THOP1: variants seen among roughly 807,000 people sequenced by gnomAD.
THOP1 encodes thimet oligopeptidase 1, also known as thimet oligopeptidase.
THOP1 carries 49 observed loss-of-function variants against 71.8 expected under a neutral mutation model. The ratio of observed to expected loss-of-function variants is 0.68; its 90% CI spans 0.54 to 0.87. THOP1 has a LOEUF of 0.87. Among genes scored for constraint, THOP1 ranks in the 40% least tolerant of loss-of-function variants. The pLI is 0.00. For missense variants in THOP1, 843 were observed against 975.6 expected (o/e 0.86, Z 1.81); for synonymous variants, 426 against 421.5 (o/e 1.01, Z -0.13).
At chr19:2,806,711 C>T in intron 6 of THOP1, 1 of 779,760 alleles carries the variant, frequency 1.3e-6, no homozygotes, top group Non-Finnish European at 2.0e-6. Flanking sequence ...TCATCTGCAC[C>T]CCTTCTGGTT....
chr19:2,793,447 A>G (rs768770868), intron 2 of THOP1, among the ~76,000 whole-genome samples: 1 of 151,746 alleles, frequency 6.6e-6, no homozygotes, highest in Non-Finnish European at 1.5e-5. Flanking sequence ...ATCCCTGCAC[A>G]TTGGGAGGCC....
At chr19:2,795,200 TC>T (rs1357612401) in intron 3 of THOP1, among the ~76,000 whole-genome samples, 7 of 152,230 alleles carry the variant, frequency 4.6e-5, no homozygotes, top group Non-Finnish European at 8.8e-5. Flanking sequence ...CCTCAGGTGA[TC>T]CGCCCGCCTT....
At chr19:2,797,239 G>C (rs1303721598) in intron 4 of THOP1, among the ~76,000 whole-genome samples, 5 of 152,194 alleles carry the variant, frequency 3.3e-5, no homozygotes, top group Admixed American at 3.3e-4. Context: ...ATGGGGGCCG[G>C]TGGATGGTGC....
intron 4 of THOP1, 63 bp downstream of exon 4, chr19:2,796,251 A>C (rs1178182599): frequency 3.0e-6 from 4 of 1,322,174 alleles, no homozygotes; most frequent in Non-Finnish European, 4.2e-6. Context: ...AGTGCTGGGC[A>C]CAGGGAGTGC....
chr19:2,785,554 G>A lies in THOP1; in HGVS notation c.-109G>A. 2.3e-6 allele frequency: 3 copies of A among 1,317,596 alleles called. No individual in the cohort carries two copies. The highest frequency in any genetic ancestry group is 3.0e-6 in the Non-Finnish European group (3 of 999,310). The allele number at this position is 1,317,596 out of a possible 1,614,324, so 81.6% of individuals were successfully genotyped here. The stretch of plus-strand genomic sequence containing the variant: ...GGCCCCTTGGTCCTCAGGCGGCCGT[G>A]GCGGCGGTGGCGGCGGTTGGGCCGA... On this transcript the variant is annotated 5_prime_UTR_variant, in exon 1 of 13. Coordinates refer to ENST00000307741, the MANE Select transcript of THOP1 (RefSeq NM_003249.5).
chr19:2,786,984 T>TCGTG (rs1915760044), intron 1 of THOP1: 2 of 151,318 alleles, frequency 1.3e-5, no homozygotes, highest in African/African-American at 4.9e-5. Context: ...CTCCATCTCC[T>TCGTG]GACCTCGTGA....
In THOP1 at chr19:2,804,706, T is replaced by G; in HGVS notation, c.590-310T>G. On this transcript the variant is annotated intron_variant, in intron 5 of 12. Transcript: ENST00000307741. The surrounding 1 kb of genome is among the most constrained non-coding windows in gnomAD (Gnocchi z 4.7). ...ACGATGTCCGGGGGTTGGGCTGGAT[T>G]TAGCTTTAACCTCTCTGGGGCAGGA... The G allele has an allele frequency of 3.7e-6, 1 of 266,868 alleles. No individual in the cohort carries two copies. The highest frequency in any genetic ancestry group is 7.8e-5 in the East Asian group (1 of 12,880). The allele number at this position is 266,868 out of a possible 1,614,324, so 16.5% of individuals were successfully genotyped here.
intron 3 of THOP1, 103 bp downstream of exon 3, chr19:2,795,015 G>C: frequency 7.3e-7 from 1 of 1,373,262 alleles, no homozygotes; most frequent in Non-Finnish European, 9.9e-7. Flanking sequence ...GTAGAGACGG[G>C]GTTTCAACGT....
chr19:2,795,974 C>T, intron 3 of THOP1, 107 bp from the exon 4 acceptor site: 2 of 790,492 alleles, frequency 2.5e-6, no homozygotes, highest in Non-Finnish European at 4.2e-6. Context: ...GTGCAGTTGC[C>T]AAGTCACACG....
At chr19:2,794,694 T>G (rs1599521580) in intron 2 of THOP1, 70 bp from the exon 3 acceptor site, 1 of 1,540,146 alleles carries the variant, frequency 6.5e-7, no homozygotes, top group Non-Finnish European at 8.8e-7. Flanking sequence ...GGGAGAGGGG[T>G]CCGGGCAACA....
At chr19:2,791,921 C>T (rs746977854) in intron 2 of THOP1, among the ~76,000 whole-genome samples, 1 of 152,244 alleles carries the variant, frequency 6.6e-6, no homozygotes, top group Non-Finnish European at 1.5e-5. Flanking sequence ...CACCCAGTCT[C>T]CTCGTGCCTG....
At chr19:2,810,956 G>A (rs952923971) in intron 11 of THOP1, among the ~76,000 whole-genome samples, 188 bp downstream of exon 11, 17 of 152,226 alleles carry the variant, frequency 1.1e-4, no homozygotes, top group Admixed American at 2.6e-4. Flanking sequence ...CCCAGGGTCG[G>A]GGACGGGTGT....
Position 2,799,739 on chromosome 19 carries a change from C to G in THOP1, c.537C>G (p.Asn179Lys). The G allele has an allele frequency of 6.2e-7, 1 of 1,613,748 alleles. No homozygotes were observed. Residue 179 changes from asparagine to lysine, a missense_variant, in exon 5 of 13, where the codon AAC becomes AAG. Coordinates refer to ENST00000307741, the MANE Select transcript of THOP1 (RefSeq NM_003249.5). ...KKLSLLCIDF[N>K]KNLNEDTTFL... ...TGAGCCTTCTGTGCATCGACTTCAA[C>G]AAGAACCTGAACGAGGACACGACCT...
chr19:2,810,529 G>A (rs965805018), intron 10 of THOP1, 39 bp downstream of exon 10: 1 of 1,532,512 alleles, frequency 6.5e-7, no homozygotes, highest in Non-Finnish European at 8.8e-7. Flanking sequence ...CTAACCTCGG[G>A]GGGCGGCACA....
chr19:2,799,958 C>T (rs565757775), intron 5 of THOP1, among the ~76,000 whole-genome samples, 167 bp downstream of exon 5: 10 of 152,330 alleles, frequency 6.6e-5, no homozygotes, highest in African/African-American at 1.4e-4. Flanking sequence ...CTTTCCTCAC[C>T]GGAAGCGCTC....
intron 4 of THOP1, among the ~76,000 whole-genome samples, chr19:2,798,574 G>T (rs915292199): frequency 3.3e-5 from 5 of 152,252 alleles, no homozygotes; most frequent in African/African-American, 1.2e-4. Context: ...TCCCTGGCAT[G>T]GCTGGGTTTG....
intron 2 of THOP1, among the ~76,000 whole-genome samples, chr19:2,792,968 G>A (rs1365826982): frequency 6.6e-6 from 1 of 152,152 alleles, no homozygotes; most frequent in Non-Finnish European, 1.5e-5. Context: ...TTGAGGTCAG[G>A]AGTTCGAGAC....
At chr19:2,795,652 G>A (rs1208519946) in intron 3 of THOP1, among the ~76,000 whole-genome samples, 5 of 152,174 alleles carry the variant, frequency 3.3e-5, no homozygotes, top group African/African-American at 7.2e-5. Flanking sequence ...CTGGGCCCAC[G>A]CAATCCTCCC....
chr19:2,797,629 G>C (rs138067337), intron 4 of THOP1, among the ~76,000 whole-genome samples: 1 of 152,236 alleles, frequency 6.6e-6, no homozygotes, highest in African/African-American at 2.4e-5. Flanking sequence ...TCCTGAGCAC[G>C]CTTAAGACAG....
Sources: gnomAD v4.1 joint callset for allele counts (sites outside exome capture counted in the v4.1 genomes callset) on GRCh38, gnomAD v4.1.1 for gene constraint, Gnocchi (gnomAD v3.1) non-coding constraint, MANE v1.5 for transcripts, NCBI Gene and HGNC (gene_info 2026-07-23, HGNC 2026-07-21) for gene names.